The following STAU1 variants were observed in gnomAD, a reference collection of about 807,000 sequenced individuals.
The protein encoded by STAU1 is double-stranded RNA-binding protein Staufen homolog 1.
A neutral mutation model predicts 62.9 loss-of-function variants in STAU1; 13 were observed. The ratio of observed to expected loss-of-function variants is 0.21; its 90% CI spans 0.13 to 0.33. STAU1 has a LOEUF of 0.33. Among genes scored for constraint, STAU1 ranks in the 10% least tolerant of loss-of-function variants. The pLI is 1.00. For missense variants in STAU1, 571 were observed against 712.1 expected (o/e 0.80, Z 2.25); for synonymous variants, 269 against 265.1 (o/e 1.01, Z -0.14).
the STAU1 span, among the ~76,000 whole-genome samples, chr20:49,216,524 C>T: frequency 4.5e-4 from 67 of 149,004 alleles, 1 homozygote; most frequent in African/African-American, 1.6e-3. Flanking sequence ...TGAGACTCAT[C>T]TCAAAAAATA....
chr20:49,174,279 A>G lies in STAU1; in HGVS notation c.-159-10T>C, dbSNP rs991495489. On this transcript the variant is annotated splice_polypyrimidine_tract_variant and intron_variant, in intron 1 of 13. Transcript: ENST00000371856. Reference sequence around the variant, plus strand: ...AAGTGGTTAATAAACTCTGGAAAATAAAAAATAATAATAATTTAGTAGGGT... The same window carrying G: ...AAGTGGTTAATAAACTCTGGAAAATGAAAAATAATAATAATTTAGTAGGGT... The G allele has an allele frequency of 6.6e-6, 1 of 152,230 alleles. No homozygotes were observed. The highest frequency in any genetic ancestry group is 1.9e-4 in the East Asian group (1 of 5,204). 9.4% of individuals were successfully genotyped at this position (152,230 alleles called of 1,614,324 possible).
the STAU1 span, among the ~76,000 whole-genome samples, chr20:49,195,905 A>AAAAAAAAAAAGAAAG: frequency 4.2e-5 from 4 of 95,412 alleles, no homozygotes; most frequent in South Asian, 5.5e-4. Context: ...TCTCAAAAAA[A>AAAAAAAAAAAGAAAG]AAAAAAAAAA....
At chr20:49,181,626 C>T (rs1021302330) in intron 1 of STAU1, among the ~76,000 whole-genome samples, 2 of 151,654 alleles carry the variant, frequency 1.3e-5, no homozygotes, top group African/African-American at 4.9e-5. Flanking sequence ...ATTAGCCGGG[C>T]GTGGTGGTGC....
At chr20:49,128,448 A>G (rs1018108933) in intron 6 of STAU1, among the ~76,000 whole-genome samples, 1 of 152,098 alleles carries the variant, frequency 6.6e-6, no homozygotes, top group African/African-American at 2.4e-5. Context: ...GTCTCTACAC[A>G]CCACTCCCAA....
At chr20:49,115,747 A>C in intron 13 of STAU1, 35 bp downstream of exon 13, 1 of 1,564,908 alleles carries the variant, frequency 6.4e-7, no homozygotes, top group Non-Finnish European at 8.8e-7. Context: ...CAGCCTCCCC[A>C]TCATCAGCGC....
At chr20:49,175,038 C>T (rs2093642355) in intron 1 of STAU1, among the ~76,000 whole-genome samples, 1 of 152,022 alleles carries the variant, frequency 6.6e-6, no homozygotes, top group Non-Finnish European at 1.5e-5. Context: ...CACCTGTAGT[C>T]CCAGCTACTT....
chr20:49,157,718 A>T (rs348272), intron 3 of STAU1, among the ~76,000 whole-genome samples: 129,859 of 151,798 alleles, frequency 0.86, 56,006 homozygotes, highest in African/African-American at 0.93. Flanking sequence ...GACCTTGTGA[A>T]CTGCCCGCCT....
At chr20:49,184,120 A>G (rs670016) in intron 1 of STAU1, among the ~76,000 whole-genome samples, 111,244 of 151,684 alleles carry the variant, frequency 0.73, 41,661 homozygotes, top group African/African-American at 0.88. Context: ...TAGTAGAGAC[A>G]GGGTTTCGCC....
the STAU1 span, among the ~76,000 whole-genome samples, chr20:49,201,006 T>G: frequency 8.3e-6 from 1 of 120,512 alleles, no homozygotes; most frequent in Non-Finnish European, 1.6e-5. Flanking sequence ...GCCACTGCAC[T>G]CTGCACTTCA....
the STAU1 span, among the ~76,000 whole-genome samples, chr20:49,200,367 C>T: frequency 6.6e-6 from 1 of 152,104 alleles, no homozygotes; most frequent in South Asian, 2.1e-4. Flanking sequence ...GGAAGGCCGA[C>T]GCGGGCGGAT....
At chr20:49,134,361 G>A (rs903458204) in intron 6 of STAU1, 22 of 440,382 alleles carry the variant, frequency 5.0e-5, no homozygotes, top group Non-Finnish European at 4.1e-6. Flanking sequence ...AATCTGGGAG[G>A]TGGAGGTTGC....
chr20:49,188,396 G>GGCCCCC (rs1323747254), upstream of STAU1: 2 of 141,404 alleles, frequency 1.4e-5, no homozygotes, highest in African/African-American at 2.5e-5. Context: ...GCCCGCCCCC[G>GGCCCCC]GCCCCCGCCC....
chr20:49,169,852 T>C (rs1248049831), intron 2 of STAU1, among the ~76,000 whole-genome samples: 1 of 152,190 alleles, frequency 6.6e-6, no homozygotes, highest in Non-Finnish European at 1.5e-5. Context: ...TTACATAGCA[T>C]ACATAAGCAC....
chr20:49,141,458 G>A (rs561057138), intron 5 of STAU1, among the ~76,000 whole-genome samples: 29 of 152,312 alleles, frequency 1.9e-4, no homozygotes, highest in Middle Eastern at 3.4e-3. Flanking sequence ...AGGTGCAGTG[G>A]AGTGTGCCTA....
At position 49,120,033 on chromosome 20, in the gene STAU1, G is replaced by C; in HGVS notation, c.1062C>G (p.Phe354Leu). The C allele has an allele frequency of 6.2e-7, 1 of 1,614,208 alleles. No homozygotes were observed. The highest frequency in any genetic ancestry group is 8.5e-7 in the Non-Finnish European group (1 of 1,180,040). The change falls in exon 9 of 14, where the codon TTC (phenylalanine) becomes TTG (leucine). Residue 354 changes from phenylalanine (F) to leucine (L), a missense_variant. Physicochemically the swap from Phe to Leu is conservative, Grantham distance 22. This residue lies in a region of STAU1 where 414 missense variants were observed against 499.6 expected (regional missense o/e 0.83). Coordinates refer to ENST00000371856, the MANE Select transcript of STAU1 (RefSeq NM_017453.4). The stretch of plus-strand genomic sequence containing the variant: ...TGGTGGGCTGCGCCTGCGGGACTTT[G>C]AAACCAAGGATCTCCAGCATGTTCT... ...AAENMLEILG[F>L]KVPQAQPTKP...
chr20:49,118,445 A>G, intron 9 of STAU1, 37 bp from the exon 10 acceptor site: 1 of 1,495,398 alleles, frequency 6.7e-7, no homozygotes, highest in Admixed American at 1.9e-5. Flanking sequence ...GGCCATGAGC[A>G]TAAATCAGAT....
chr20:49,121,356 C>T (rs6063356), intron 8 of STAU1, among the ~76,000 whole-genome samples: 2 of 151,894 alleles, frequency 1.3e-5, no homozygotes, highest in Admixed American at 1.3e-4. Context: ...TGCAGTGAGC[C>T]GAGATCACAC....
intron 4 of STAU1, among the ~76,000 whole-genome samples, 175 bp from the exon 5 acceptor site, chr20:49,151,922 A>G (rs1200704785): frequency 6.6e-6 from 1 of 152,226 alleles, no homozygotes; most frequent in African/African-American, 2.4e-5. Flanking sequence ...CTGGATTAGA[A>G]TTGCTACACA....
chr20:49,183,483 T>C (rs539761852), intron 1 of STAU1, among the ~76,000 whole-genome samples: 11 of 152,284 alleles, frequency 7.2e-5, no homozygotes, highest in South Asian at 4.1e-4. Flanking sequence ...AACTCTGGGA[T>C]TGACTTGTGG....
Sources: gnomAD v4.1 joint callset for allele counts (sites outside exome capture counted in the v4.1 genomes callset) on GRCh38, gnomAD v4.1.1 for gene constraint, gnomAD v4.1.1 regional missense constraint, MANE v1.5 for transcripts, NCBI Gene and HGNC (gene_info 2026-07-23, HGNC 2026-07-21) for gene names.